CPE: variants seen among roughly 807,000 people sequenced by gnomAD.
CPE encodes carbocypeptidase E.
Under a neutral mutation model 53.5 loss-of-function variants are expected in CPE, and 17 were observed. That is an observed-to-expected ratio of 0.32 (90% CI 0.22 to 0.48). The LOEUF is 0.48. Among genes scored for constraint, CPE ranks in the 20% least tolerant of loss-of-function variants. The probability of loss-of-function intolerance (pLI) is 0.99; values close to 1 mark genes in which losing one functional copy is unlikely to be tolerated. For missense variants in CPE, 524 were observed against 614.7 expected (o/e 0.85, Z 1.56); for synonymous variants, 226 against 228.8 (o/e 0.99, Z 0.11).
intron 1 of CPE, among the ~76,000 whole-genome samples, chr4:165,426,736 C>G (rs934796805): frequency 2.0e-4 from 31 of 152,134 alleles, no homozygotes; most frequent in Admixed American, 2.0e-3. Context: ...TAATTTGACA[C>G]GGTTAACCCT....
intron 1 of CPE, among the ~76,000 whole-genome samples, chr4:165,399,917 G>A (rs1002611877): frequency 2.0e-5 from 3 of 152,032 alleles, no homozygotes; most frequent in Admixed American, 1.3e-4. Flanking sequence ...TATAATCCCA[G>A]CCTCTCTAAG....
intron 1 of CPE, among the ~76,000 whole-genome samples, chr4:165,452,176 G>T (rs1230497369): frequency 6.6e-6 from 1 of 152,092 alleles, no homozygotes; most frequent in Non-Finnish European, 1.5e-5. Flanking sequence ...ATGAGGAGAA[G>T]TTAGTTAATG....
intron 1 of CPE, among the ~76,000 whole-genome samples, chr4:165,436,861 G>A (rs566207503): frequency 2.6e-5 from 4 of 152,076 alleles, no homozygotes; most frequent in Non-Finnish European, 5.9e-5. Context: ...TTGTAGAGTC[G>A]AAGAGGAAAA....
At chr4:165,492,653 G>A (rs920124500) in intron 6 of CPE, among the ~76,000 whole-genome samples, 1 of 152,104 alleles carries the variant, frequency 6.6e-6, no homozygotes, top group African/African-American at 2.4e-5. Flanking sequence ...TACGTGACTG[G>A]GGGCTGCATG....
chr4:165,498,309 A>G lies in CPE; in HGVS notation c.*699A>G, dbSNP rs1732741942. Reference sequence around the variant, plus strand: ...TGCATTCTGAATGAATAAAGGTTAAAAAAAAATCCCCAGTGCATGTATTTC... The same window carrying G: ...TGCATTCTGAATGAATAAAGGTTAAGAAAAAATCCCCAGTGCATGTATTTC... On this transcript the variant is annotated 3_prime_UTR_variant, in exon 9 of 9. Transcript: ENST00000402744. 6.6e-6 allele frequency: 1 copy of G among 152,172 alleles called. No individual in the cohort carries two copies. The highest frequency in any genetic ancestry group is 1.5e-5 in the Non-Finnish European group (1 of 68,028). 9.4% of individuals were successfully genotyped at this position (152,172 alleles called of 1,614,324 possible).
intron 1 of CPE, among the ~76,000 whole-genome samples, chr4:165,453,435 A>C (rs1731848281): frequency 6.9e-6 from 1 of 144,524 alleles, no homozygotes; most frequent in South Asian, 2.2e-4. Flanking sequence ...ACCCAGGCTG[A>C]GTGCAGTAGC....
rs373842154 is a variant in CPE at position 165,450,803 on chromosome 4, T to C, written c.308-13587T>C. ...ATAATGAATCTTGGAGCTGAAGCCATATAGCAGCCTTGAAAATTATGCTGT... is the reference window on the plus strand; with the variant it reads ...ATAATGAATCTTGGAGCTGAAGCCACATAGCAGCCTTGAAAATTATGCTGT... On this transcript the variant is annotated intron_variant, in intron 1 of 8. Coordinates refer to ENST00000402744, the MANE Select transcript of CPE (RefSeq NM_001873.4). Among the ~76,000 whole-genome samples the C allele has an allele frequency of 1.1e-4, 16 of 152,356 alleles. 1 individual carries two copies. The highest frequency in any genetic ancestry group is 3.3e-4 in the Admixed American group (5 of 15,300).
chr4:165,408,618 C>T (rs915069223), intron 1 of CPE, among the ~76,000 whole-genome samples: 3 of 152,224 alleles, frequency 2.0e-5, no homozygotes, highest in South Asian at 2.1e-4. Context: ...TTTGAGCCTG[C>T]GTCAGAATCA....
chr4:165,379,518 C>T lies in CPE; in HGVS notation c.297C>T (p.Val99=), dbSNP rs774585214. 6.3e-7 allele frequency: 1 copy of T among 1,585,030 alleles called. No individual in the cohort carries two copies. Among genetic ancestry groups the T allele is most frequent in the South Asian group, 1.1e-5 (1 of 88,496 alleles). Reference sequence around the variant, plus strand: ...TCGAGCTGTCCGACAACCCTGGCGTCCATGAGCCTGGTAAGGGCGCTGCCC... The same window carrying T: ...TCGAGCTGTCCGACAACCCTGGCGTTCATGAGCCTGGTAAGGGCGCTGCCC... The part of the protein sequence containing the change: ...LVIELSDNPG[V]HEPGEPEFKY... The change falls in exon 1 of 9, where the codon GTC becomes GTT. Residue 99 remains valine (V), a synonymous_variant. Transcript: ENST00000402744. The surrounding 1 kb of genome is among the most constrained non-coding windows in gnomAD (Gnocchi z 6.0).
intron 1 of CPE, among the ~76,000 whole-genome samples, chr4:165,414,088 T>G (rs1335636147): frequency 6.6e-6 from 1 of 152,178 alleles, no homozygotes; most frequent in Non-Finnish European, 1.5e-5. Flanking sequence ...TGTATTTTCC[T>G]GCAATAATAA....
At chr4:165,478,808 C>T (rs912203148) in intron 3 of CPE, among the ~76,000 whole-genome samples, 2 of 152,200 alleles carry the variant, frequency 1.3e-5, no homozygotes, top group African/African-American at 4.8e-5. Flanking sequence ...AAAACCAACC[C>T]TCCCTCTCAG....
At chr4:165,447,924 A>G (rs899131330) in intron 1 of CPE, among the ~76,000 whole-genome samples, 3 of 152,198 alleles carry the variant, frequency 2.0e-5, no homozygotes, top group African/African-American at 7.2e-5. Flanking sequence ...CTTCAGATCC[A>G]TTATAATCTT....
At chr4:165,385,443 C>CTTTTTT (rs70955613) in intron 1 of CPE, among the ~76,000 whole-genome samples, 7 of 106,986 alleles carry the variant, frequency 6.5e-5, no homozygotes, top group African/African-American at 1.6e-4. Flanking sequence ...CAAATGTTTG[C>CTTTTTT]TTTTTTTTTT....
intron 1 of CPE, among the ~76,000 whole-genome samples, chr4:165,423,729 G>T (rs193223130): frequency 0.019 from 2,946 of 151,314 alleles, 92 homozygotes; most frequent in African/African-American, 0.067. Flanking sequence ...TGCCATGCTG[G>T]TGCGCTGCAC....
At position 165,495,587 on chromosome 4, in the gene CPE, T is replaced by C. The variant is rs1245560366; in HGVS notation, c.1242T>C (p.Leu414=). Residue 414 remains leucine (L), a synonymous_variant, in exon 8 of 9, where the codon CTT becomes CTC. Coordinates refer to ENST00000402744, the MANE Select transcript of CPE (RefSeq NM_001873.4). ...AGGATGGTGATTACTGGAGATTGCT[T>C]ATACCTGGAAACTATAAACTTACAG... ...SAKDGDYWRL[L]IPGNYKLTAS... is the part of the protein sequence containing the mutation. 6.2e-7 allele frequency: 1 copy of C among 1,613,488 alleles called. No homozygotes were observed. Among genetic ancestry groups the C allele is most frequent in the Non-Finnish European group, 8.5e-7 (1 of 1,179,756 alleles).
chr4:165,461,166 CAA>C (rs1173022270), intron 1 of CPE, among the ~76,000 whole-genome samples: 15 of 44,204 alleles, frequency 3.4e-4, no homozygotes, highest in South Asian at 2.3e-3. Flanking sequence ...GCCTCTGCCT[CAA>C]AAAAAAAAAA....
chr4:165,459,679 G>T (rs561825933), intron 1 of CPE, among the ~76,000 whole-genome samples: 1 of 131,034 alleles, frequency 7.6e-6, no homozygotes, highest in East Asian at 2.6e-4. Flanking sequence ...CTGGGTGGGG[G>T]GGGGCGGGGC....
chr4:165,471,706 C>T (rs761267818), intron 3 of CPE, among the ~76,000 whole-genome samples: 2 of 152,172 alleles, frequency 1.3e-5, no homozygotes, highest in African/African-American at 4.8e-5. Flanking sequence ...TCCTAAATAA[C>T]CTGGGGCTCC....
intron 2 of CPE, among the ~76,000 whole-genome samples, chr4:165,467,318 G>A (rs1732121590): frequency 6.6e-6 from 1 of 152,192 alleles, no homozygotes; most frequent in South Asian, 2.1e-4. Context: ...GTGAGACCCT[G>A]TCTCTTAGAA....
Sources: allele counts gnomAD v4.1 joint callset (sites outside exome capture counted in the v4.1 genomes callset), GRCh38; gene constraint gnomAD v4.1.1; non-coding constraint Gnocchi (gnomAD v3.1); transcripts MANE v1.5; gene names NCBI Gene and HGNC (gene_info 2026-07-23, HGNC 2026-07-21).